Variants in LRRC41 observed in about 807,000 individuals in gnomAD.
The protein encoded by LRRC41 is leucine-rich repeat-containing protein 41.
A neutral mutation model predicts 72.1 loss-of-function variants in LRRC41; 17 were observed. The ratio of observed to expected loss-of-function variants is 0.24; its 90% CI spans 0.16 to 0.35. The LOEUF is 0.35. Among genes scored for constraint, LRRC41 ranks in the 10% least tolerant of loss-of-function variants. The pLI is 1.00. For missense variants in LRRC41, 759 were observed against 1,065.0 expected (o/e 0.71, Z 4.00); for synonymous variants, 427 against 431.0 (o/e 0.99, Z 0.11).
chr1:46,290,570 A>G (rs1401051422), intron 3 of LRRC41, among the ~76,000 whole-genome samples: 1 of 151,580 alleles, frequency 6.6e-6, no homozygotes, highest in African/African-American at 2.4e-5. Context: ...AATGTGTACC[A>G]TATGTAATAA....
At chr1:46,294,586 CTAAT>C (rs952728682) in intron 3 of LRRC41, among the ~76,000 whole-genome samples, 4 of 143,050 alleles carry the variant, frequency 2.8e-5, no homozygotes, top group Admixed American at 7.3e-5. Flanking sequence ...CTTTTTACAA[CTAAT>C]TCTTTTTTTT....
intron 3 of LRRC41, among the ~76,000 whole-genome samples, chr1:46,290,011 A>G (rs1485011657): frequency 6.6e-6 from 1 of 152,226 alleles, no homozygotes; most frequent in Non-Finnish European, 1.5e-5. Context: ...AGGGAGGGCT[A>G]AACATCTTGT....
At position 46,300,173 on chromosome 1, in the gene LRRC41, C is replaced by CA. The variant is rs898188875; in HGVS notation, c.200-1804dup. The stretch of plus-strand genomic sequence containing the variant: ...CAAAACCCCATCTCTACCAAAAATA[C>CA]AAAAAAAAATTAGCTGGGTGTTGTG... On this transcript the variant is annotated intron_variant, in intron 1 of 9. Transcript: ENST00000617190. 32 of 150,886 alleles carry CA rather than the reference C, an allele frequency of 2.1e-4. No homozygotes were observed. The East Asian group carries it at 2.1e-3, about 10-fold the overall frequency. 9.3% of individuals were successfully genotyped at this position (150,886 alleles called of 1,614,324 possible). A position where few individuals can be genotyped will look rare whatever the true frequency, so the allele number is the denominator to read the frequency against.
intron 3 of LRRC41, among the ~76,000 whole-genome samples, chr1:46,292,528 C>T (rs747727237): frequency 5.9e-5 from 9 of 152,176 alleles, no homozygotes; most frequent in Non-Finnish European, 8.8e-5. Context: ...ATTACCTTTG[C>T]GATGAAAACC....
At chr1:46,283,022 CAAAAA>C (rs59632701) in intron 4 of LRRC41, among the ~76,000 whole-genome samples, 2 of 53,842 alleles carry the variant, frequency 3.7e-5, no homozygotes, top group Non-Finnish European at 3.9e-5. Context: ...GACTCCCTGT[CAAAAA>C]AAAAAAAAAA....
chr1:46,300,598 T>A (rs1205596173), intron 1 of LRRC41: 1 of 152,504 alleles, frequency 6.6e-6, no homozygotes, highest in East Asian at 1.9e-4. Context: ...CAGTCCCTCT[T>A]CATCCTGCTC....
At position 46,285,536 on chromosome 1, in the gene LRRC41, C is replaced by T. The variant is rs1188735747; in HGVS notation, c.1321G>A (p.Asp441Asn). ...EIGEVACGAL[D>N]GSDPSCLGLP... ...CCCAGGCAGCTGGGATCTGATCCATCCAAAGCTCCACAAGCCACTTCCCCA... is the reference window on the plus strand; with the variant it reads ...CCCAGGCAGCTGGGATCTGATCCATTCAAAGCTCCACAAGCCACTTCCCCA... Residue 441 changes from aspartate (D) to asparagine (N), a missense_variant, in exon 4 of 10, where the codon GAT becomes AAT. Coordinates refer to ENST00000617190, the MANE Select transcript of LRRC41 (RefSeq NM_006369.5). This position sits in a 1 kb window ranked among gnomAD's most constrained non-coding sequence, Gnocchi z 5.3. 1.2e-6 allele frequency: 2 copies of T among 1,613,784 alleles called. No homozygotes were observed. The highest frequency in any genetic ancestry group is 2.2e-5 in the East Asian group (1 of 44,880).
At position 46,279,056 on chromosome 1, in the gene LRRC41, G is replaced by C; in HGVS notation, c.2248C>G (p.Leu750Val). 2 of 1,610,584 alleles carry C rather than the reference G, an allele frequency of 1.2e-6. No homozygotes were observed. Among genetic ancestry groups the C allele is most frequent in the East Asian group, 4.5e-5 (2 of 44,836 alleles). The change falls in exon 10 of 10, where the codon CTG becomes GTG. Residue 750 changes from leucine to valine, a missense_variant. Physicochemically the swap from Leu to Val is conservative, Grantham distance 32. This residue lies in a region of LRRC41 where 110 missense variants were observed against 227.0 expected (regional missense o/e 0.48). Coordinates refer to ENST00000617190, the MANE Select transcript of LRRC41 (RefSeq NM_006369.5). This position sits in a 1 kb window ranked among gnomAD's most constrained non-coding sequence, Gnocchi z 4.5. The stretch of plus-strand genomic sequence containing the variant: ...CGCTCCAGCCGCTTGGCGAACTCCA[G>C]AAGCCCATCTGGCTTGATGCAGTTG... ...SSNCIKPDGL[L>V]EFAKRLERWG...
In LRRC41 at chr1:46,279,171, C is replaced by G; in HGVS notation, c.2219+11G>C. The G allele has an allele frequency of 1.2e-6, 2 of 1,614,048 alleles. No individual in the cohort carries two copies. Among genetic ancestry groups the G allele is most frequent in the Non-Finnish European group, 8.5e-7 (1 of 1,179,926 alleles). ...AGCCCCATCCCTTGTCTTGCCCCTC[C>G]CCTCATGTACCTGATGTCCAGCTGA... On this transcript the variant is annotated intron_variant, in intron 9 of 9. Coordinates refer to ENST00000617190, the MANE Select transcript of LRRC41 (RefSeq NM_006369.5). The surrounding 1 kb of genome is among the most constrained non-coding windows in gnomAD (Gnocchi z 4.5).
Position 46,285,143 on chromosome 1 carries a change from C to T in LRRC41, c.1495+219G>A, listed in dbSNP as rs1387352644. 5.1e-6 allele frequency: 3 copies of T among 583,004 alleles called. No homozygotes were observed. The highest frequency in any genetic ancestry group is 9.3e-6 in the Non-Finnish European group (3 of 323,442). The allele number at this position is 583,004 out of a possible 1,614,324, so 36.1% of individuals were successfully genotyped here. On this transcript the variant is annotated intron_variant, in intron 4 of 9. Coordinates refer to ENST00000617190, the MANE Select transcript of LRRC41 (RefSeq NM_006369.5). The surrounding 1 kb of genome is among the most constrained non-coding windows in gnomAD (Gnocchi z 5.3). ...GATTCCAGCTGGCTTGTCTCACTGC[C>T]CCTCAGGAACCCCTGCTTTCAACAA...
intron 3 of LRRC41, among the ~76,000 whole-genome samples, chr1:46,295,054 C>CT (rs925843724): frequency 1.3e-5 from 2 of 151,788 alleles, no homozygotes; most frequent in Non-Finnish European, 2.9e-5. Context: ...TTATACAGAT[C>CT]TTTTTTTATT....
intron 3 of LRRC41, among the ~76,000 whole-genome samples, chr1:46,296,522 A>C (rs1557718594): frequency 6.6e-6 from 1 of 152,310 alleles, no homozygotes; most frequent in East Asian, 1.9e-4. Context: ...TACCTGGTTA[A>C]GTTTCAGTAA....
At chr1:46,283,272 A>G (rs971814553) in intron 4 of LRRC41, among the ~76,000 whole-genome samples, 12 of 152,282 alleles carry the variant, frequency 7.9e-5, no homozygotes, top group African/African-American at 2.6e-4. Context: ...GTAGTGGGTA[A>G]TGGTAGCTTG....
chr1:46,290,950 A>C (rs1569653257), intron 3 of LRRC41, among the ~76,000 whole-genome samples: 1 of 117,106 alleles, frequency 8.5e-6, no homozygotes. Context: ...TTTTTAAGAC[A>C]TTCCTGCTCT....
rs1007365634 is a variant in LRRC41 at position 46,303,419 on chromosome 1, T to A, written c.-97A>T. On this transcript the variant is annotated 5_prime_UTR_variant, in exon 1 of 10. Transcript: ENST00000617190. The stretch of plus-strand genomic sequence containing the variant: ...GCTCCATAAGCGATATGGGGAAGAA[T>A]GTGAATTATTCTAAAGAAATTTCGA... 1 of 1,153,074 alleles carries A rather than the reference T, an allele frequency of 8.7e-7. No homozygotes were observed. The highest frequency in any genetic ancestry group is 2.7e-5 in the East Asian group (1 of 37,236). The allele number at this position is 1,153,074 out of a possible 1,614,324, so 71.4% of individuals were successfully genotyped here. A position where few individuals can be genotyped will look rare whatever the true frequency, so the allele number is the denominator to read the frequency against.
intron 1 of LRRC41, among the ~76,000 whole-genome samples, chr1:46,301,735 G>C (rs974911658): frequency 6.6e-6 from 1 of 151,934 alleles, no homozygotes; most frequent in African/African-American, 2.4e-5. Flanking sequence ...TCCTGACCAG[G>C]GCCTTCCTCC....
In LRRC41 at chr1:46,281,282, T is replaced by G; in HGVS notation, c.1599A>C (p.Pro533=). The change falls in exon 5 of 10, where the codon CCA becomes CCC. Residue 533 remains proline (P), a synonymous_variant. Coordinates refer to ENST00000617190, the MANE Select transcript of LRRC41 (RefSeq NM_006369.5). The part of the protein sequence containing the change: ...RALHLSDLFS[P]LPILELTRAI... ...CACGTGTCAGCTCCAGGATGGGCAGTGGTGAGAACAGGTCACTGAGATGCA... is the reference window on the plus strand; with the variant it reads ...CACGTGTCAGCTCCAGGATGGGCAGGGGTGAGAACAGGTCACTGAGATGCA... 1 of 1,614,014 alleles carries G rather than the reference T, an allele frequency of 6.2e-7. No homozygotes were observed. Among genetic ancestry groups the G allele is most frequent in the East Asian group, 2.2e-5 (1 of 44,888 alleles).
In LRRC41 at chr1:46,302,922, G is replaced by T; in HGVS notation, c.199+202C>A. 2.0e-6 allele frequency: 2 copies of T among 983,232 alleles called. No homozygotes were observed. The highest frequency in any genetic ancestry group is 1.8e-5 in the African/African-American group (1 of 56,592). The allele number at this position is 983,232 out of a possible 1,614,324, so 60.9% of individuals were successfully genotyped here. On this transcript the variant is annotated intron_variant, in intron 1 of 9. Coordinates refer to ENST00000617190, the MANE Select transcript of LRRC41 (RefSeq NM_006369.5). The surrounding 1 kb of genome is among the most constrained non-coding windows in gnomAD (Gnocchi z 4.7). ...CGCCCCCGAGCCAGGCCGCGGTGCG[G>T]GTCAGCCTGCCCATTTAGGTCTCCG...
intron 3 of LRRC41, among the ~76,000 whole-genome samples, chr1:46,289,528 G>T (rs920074269): frequency 6.6e-6 from 1 of 151,954 alleles, no homozygotes; most frequent in African/African-American, 2.4e-5. Context: ...TTGGGAGGCC[G>T]AGGCGGGGGG....
Sources: allele counts gnomAD v4.1 joint callset (sites outside exome capture counted in the v4.1 genomes callset), GRCh38; gene constraint gnomAD v4.1.1; regional missense constraint gnomAD v4.1.1; non-coding constraint Gnocchi (gnomAD v3.1); transcripts MANE v1.5; gene names NCBI Gene and HGNC (gene_info 2026-07-23, HGNC 2026-07-21).